RFX4: variants seen among roughly 807,000 people sequenced by gnomAD.
The protein encoded by RFX4 is transcription factor RFX4.
Under a neutral mutation model 95.0 loss-of-function variants are expected in RFX4, and 10 were observed. The observed-to-expected ratio is 0.11, with a 90% CI of 0.06 to 0.18. The LOEUF (loss-of-function observed/expected upper bound fraction) is 0.18, where lower values mean the gene tolerates loss of function less well. Ranked by LOEUF, RFX4 falls within the 10% of genes least tolerant of loss-of-function variation. The pLI is 1.00. For missense variants in RFX4, 640 were observed against 922.0 expected, an observed-to-expected ratio of 0.69 and a Z score of 3.96; for synonymous variants, 321 against 340.7, an observed-to-expected ratio of 0.94 and a Z score of 0.64.
intron 15 of RFX4, among the ~76,000 whole-genome samples, chr12:106,741,629 T>C (rs1214693103): frequency 3.3e-5 from 5 of 152,236 alleles, no homozygotes; most frequent in African/African-American, 1.2e-4. Flanking sequence ...CTCTAGAATC[T>C]TGACACACTT....
chr12:106,646,008 C>T (rs1412126556), intron 3 of RFX4: 9 of 1,189,090 alleles, frequency 7.6e-6, no homozygotes, highest in Non-Finnish European at 1.0e-5. Context: ...GTTGTGGAAC[C>T]ACAACTTTTT....
intron 10 of RFX4, among the ~76,000 whole-genome samples, chr12:106,714,093 C>CAAAAAAAAAAAAAAAAAAAAA (rs2042243817): frequency 1.1e-5 from 1 of 89,046 alleles, no homozygotes; most frequent in African/African-American, 4.7e-5. Context: ...AAAAAAAAAG[C>CAAAAAAAAAAAAAAAAAAAAA]ATGTTCTAAA....
At chr12:106,590,683 T>C (rs1565941993) in intron 1 of RFX4, among the ~76,000 whole-genome samples, 1 of 152,234 alleles carries the variant, frequency 6.6e-6, no homozygotes, top group Non-Finnish European at 1.5e-5. Flanking sequence ...CTGTGGCTTA[T>C]GCCTGTCGTC....
At chr12:106,742,028 G>A (rs760714256) in intron 15 of RFX4, among the ~76,000 whole-genome samples, 6 of 152,266 alleles carry the variant, frequency 3.9e-5, no homozygotes, top group South Asian at 4.1e-4. Flanking sequence ...AACAGGCCAC[G>A]GTCCGGTACT....
chr12:106,725,539 CTT>C (rs140007149), intron 13 of RFX4, among the ~76,000 whole-genome samples: 6,703 of 152,188 alleles, frequency 0.044, 384 homozygotes, highest in African/African-American at 0.14. Flanking sequence ...ATGCTAATGT[CTT>C]TGTCTTTTTT....
intron 4 of RFX4, among the ~76,000 whole-genome samples, chr12:106,667,024 G>T (rs1207725717): frequency 6.6e-6 from 1 of 151,962 alleles, no homozygotes; most frequent in Non-Finnish European, 1.5e-5. Flanking sequence ...GTCATATGGT[G>T]GTAAGGCGTG....
At chr12:106,683,211 C>G (rs2041557769) in intron 5 of RFX4, 1 of 152,178 alleles carries the variant, frequency 6.6e-6, no homozygotes. Context: ...CCCTGTCCCT[C>G]ACCAGCTCCT....
chr12:106,691,817 C>G (rs1226288707), intron 7 of RFX4, among the ~76,000 whole-genome samples: 1 of 152,156 alleles, frequency 6.6e-6, no homozygotes, highest in Non-Finnish European at 1.5e-5. Context: ...AATGGATGAA[C>G]AGGTGTAGAA....
At chr12:106,703,442 A>G (rs1441713185) in intron 8 of RFX4, among the ~76,000 whole-genome samples, 2 of 152,200 alleles carry the variant, frequency 1.3e-5, no homozygotes, top group Non-Finnish European at 2.9e-5. Flanking sequence ...AATTTTTATA[A>G]TAATATGTAT....
intron 4 of RFX4, among the ~76,000 whole-genome samples, chr12:106,669,952 C>T (rs2041251095): frequency 6.6e-6 from 1 of 151,246 alleles, no homozygotes; most frequent in South Asian, 2.1e-4. Context: ...CACTTAGCAG[C>T]TGTGTGAGCT....
chr12:106,750,886 T>C (rs2042988566), intron 17 of RFX4, 93 bp downstream of exon 17: 1 of 1,164,970 alleles, frequency 8.6e-7, no homozygotes, highest in East Asian at 2.9e-5. Flanking sequence ...GCATACTGTG[T>C]GTGCAGCGTG....
chr12:106,602,314 TG>T (rs1160159415), intron 1 of RFX4, among the ~76,000 whole-genome samples: 1 of 152,244 alleles, frequency 6.6e-6, no homozygotes, highest in Admixed American at 6.5e-5. Flanking sequence ...CGTGAGTTCC[TG>T]GTGGATAGAA....
chr12:106,647,215 G>A (rs2040765201), intron 3 of RFX4, among the ~76,000 whole-genome samples: 1 of 152,106 alleles, frequency 6.6e-6, no homozygotes, highest in African/African-American at 2.4e-5. Flanking sequence ...CTCAATAAAT[G>A]TATTCTGACT....
chr12:106,609,823 G>A (rs1369567424), intron 2 of RFX4, among the ~76,000 whole-genome samples: 1 of 152,062 alleles, frequency 6.6e-6, no homozygotes, highest in Non-Finnish European at 1.5e-5. Flanking sequence ...TCCCCCAGGA[G>A]GCTTCCTCAT....
chr12:106,587,770 C>G (rs907899468), intron 1 of RFX4, among the ~76,000 whole-genome samples: 6 of 152,176 alleles, frequency 3.9e-5, no homozygotes, highest in Admixed American at 3.3e-4. Flanking sequence ...TTTCTCACCC[C>G]CTATCTCAAA....
chr12:106,656,946 A>T (rs1299872039), intron 4 of RFX4, among the ~76,000 whole-genome samples: 1 of 152,234 alleles, frequency 6.6e-6, no homozygotes, highest in Non-Finnish European at 1.5e-5. Context: ...TAATGGCATT[A>T]AGAACACAAA....
intron 13 of RFX4, among the ~76,000 whole-genome samples, chr12:106,721,897 T>C (rs1428776117): frequency 6.6e-6 from 1 of 152,248 alleles, no homozygotes; most frequent in Non-Finnish European, 1.5e-5. Flanking sequence ...GAAGTAAATA[T>C]GTGGGAAAAC....
At chr12:106,669,573 A>G (rs1355191845) in intron 4 of RFX4, among the ~76,000 whole-genome samples, 1 of 151,840 alleles carries the variant, frequency 6.6e-6, no homozygotes, top group East Asian at 1.9e-4. Context: ...TTCTAGTCCC[A>G]CCAGTCTGCC....
chr12:106,747,941 A>AAG (rs1386896112), intron 16 of RFX4, among the ~76,000 whole-genome samples: 1 of 150,176 alleles, frequency 6.7e-6, no homozygotes, highest in Non-Finnish European at 1.5e-5. Context: ...AAAAAAAAAA[A>AAG]AAGAAAAAGA....
Sources: gnomAD v4.1 joint callset for allele counts (sites outside exome capture counted in the v4.1 genomes callset) on GRCh38, gnomAD v4.1.1 for gene constraint, MANE v1.5 for transcripts, NCBI Gene and HGNC (gene_info 2026-07-23, HGNC 2026-07-21) for gene names.